The following GOLM2 variants were observed in gnomAD, a reference collection of about 807,000 sequenced individuals.
The protein encoded by GOLM2 is protein GOLM2.
In GOLM2, 26 loss-of-function variants were observed where a neutral mutation model predicts 55.9. The ratio of observed to expected loss-of-function variants is 0.47; its 90% CI spans 0.34 to 0.65. GOLM2 has a LOEUF of 0.65. Among genes scored for constraint, GOLM2 ranks in the 30% least tolerant of loss-of-function variants. GOLM2 has a pLI of 0.01. For synonymous variants in GOLM2, 165 were observed against 194.6 expected (o/e 0.85, Z 1.27); for missense variants, 486 against 531.8 (o/e 0.91, Z 0.85).
At chr15:44,291,714 T>A (rs2078721762) in intron 1 of GOLM2, among the ~76,000 whole-genome samples, 1 of 152,240 alleles carries the variant, frequency 6.6e-6, no homozygotes, top group African/African-American at 2.4e-5. Context: ...TTTGCTGGAT[T>A]TATTTTTTCT....
intron 6 of GOLM2, among the ~76,000 whole-genome samples, chr15:44,360,379 C>CA (rs1339259232): frequency 6.6e-6 from 1 of 151,772 alleles, no homozygotes; most frequent in Non-Finnish European, 1.5e-5. Context: ...AAATGGAAAA[C>CA]AAAAAAAGGC....
rs561295684 is a variant in GOLM2 at position 44,413,767 on chromosome 15, G to T, written c.*361G>T. ...ATGTGGCATAGCATAACCACAGTAA[G>T]AACAGAACAGATATTCAGCAGAAAA... On this transcript the variant is annotated 3_prime_UTR_variant, in exon 10 of 10. Transcript: ENST00000299957. The T allele has an allele frequency of 1.2e-5, 2 of 161,350 alleles. No homozygotes were observed. The highest frequency in any genetic ancestry group is 2.4e-5 in the African/African-American group (1 of 41,646). The allele number at this position is 161,350 out of a possible 1,614,324, so 10.0% of individuals were successfully genotyped here.
At chr15:44,401,247 G>A (rs769854002) in intron 8 of GOLM2, among the ~76,000 whole-genome samples, 34 of 151,868 alleles carry the variant, frequency 2.2e-4, no homozygotes, top group Non-Finnish European at 4.9e-4. Context: ...AAGTAGATGA[G>A]ACTACAGACC....
intron 8 of GOLM2, among the ~76,000 whole-genome samples, chr15:44,398,351 G>T (rs902624069): frequency 1.1e-4 from 17 of 152,296 alleles, no homozygotes; most frequent in Middle Eastern, 3.4e-3. Context: ...TGTCACCCAG[G>T]CTGGAATGCA....
intron 1 of GOLM2, among the ~76,000 whole-genome samples, chr15:44,309,119 G>T (rs571171038): frequency 6.6e-6 from 1 of 152,286 alleles, no homozygotes; most frequent in South Asian, 2.1e-4. Context: ...AATGATTATT[G>T]TCAGAAAGGT....
intron 8 of GOLM2, among the ~76,000 whole-genome samples, chr15:44,383,487 T>A (rs1267409882): frequency 6.6e-6 from 1 of 152,068 alleles, no homozygotes; most frequent in African/African-American, 2.4e-5. Flanking sequence ...TTATAAGGTA[T>A]TTAGAATATA....
At chr15:44,293,008 G>T (rs570002861) in intron 1 of GOLM2, among the ~76,000 whole-genome samples, 4 of 152,104 alleles carry the variant, frequency 2.6e-5, no homozygotes, top group South Asian at 2.1e-4. Flanking sequence ...AGAGATGAGG[G>T]TCTTATTATC....
intron 1 of GOLM2, chr15:44,308,490 C>T (rs1298541303): frequency 6.6e-6 from 1 of 152,168 alleles, no homozygotes; most frequent in Non-Finnish European, 1.5e-5. Context: ...TTCTTCCCCT[C>T]TTTCAGTTAT....
chr15:44,366,653 A>G lies in GOLM2; in HGVS notation c.803-13037A>G, dbSNP rs563980236. ...TGTCTCAAAAATAAAAATTAAAATT[A>G]AAGAGAAGTAATTACAGTGATGTGT... On this transcript the variant is annotated intron_variant, in intron 6 of 9. Transcript: ENST00000299957. Among the ~76,000 whole-genome samples the G allele has an allele frequency of 7.2e-4, 110 of 152,262 alleles. 3 individuals are homozygous for G. The South Asian group carries it at 0.023, about 31-fold the overall frequency.
intron 1 of GOLM2, among the ~76,000 whole-genome samples, chr15:44,306,288 T>C (rs1168684196): frequency 2.6e-5 from 4 of 152,200 alleles, no homozygotes; most frequent in Non-Finnish European, 4.4e-5. Flanking sequence ...CTTGCACCTT[T>C]ATGTTATGGA....
At position 44,314,804 on chromosome 15, in the gene GOLM2, C is replaced by G. The variant is rs568278146; in HGVS notation, c.328-8161C>G. Among the ~76,000 whole-genome samples, 255 of 152,240 alleles carry G rather than the reference C, an allele frequency of 1.7e-3. 1 individual carries two copies. Among genetic ancestry groups the G allele is most frequent in the African/African-American group, 5.9e-3 (247 of 41,538 alleles). The stretch of plus-strand genomic sequence containing the variant: ...GTCTATTTGAGAAAGTATTCAAAAC[C>G]TCCTGTAGGTATATGACTGAGGACA... On this transcript the variant is annotated intron_variant, in intron 1 of 9. Transcript: ENST00000299957.
At chr15:44,372,445 C>G (rs1424063465) in intron 6 of GOLM2, among the ~76,000 whole-genome samples, 1 of 152,098 alleles carries the variant, frequency 6.6e-6, no homozygotes, top group Non-Finnish European at 1.5e-5. Context: ...TTTTTTGCCT[C>G]TCAGAGTAGG....
chr15:44,341,691 A>ATTTTTT (rs752182459), intron 6 of GOLM2, among the ~76,000 whole-genome samples: 3 of 120,866 alleles, frequency 2.5e-5, no homozygotes, highest in Non-Finnish European at 3.4e-5. Flanking sequence ...ATTTTATTAG[A>ATTTTTT]TTTTTTTTTT....
At chr15:44,369,066 A>ATTTT (rs1201845849) in intron 6 of GOLM2, among the ~76,000 whole-genome samples, 5 of 60,078 alleles carry the variant, frequency 8.3e-5, no homozygotes, top group African/African-American at 3.7e-4. Flanking sequence ...AATAGGATAT[A>ATTTT]TTATATATAT....
intron 1 of GOLM2, among the ~76,000 whole-genome samples, chr15:44,310,403 G>A (rs1030334634): frequency 1.4e-5 from 2 of 147,958 alleles, no homozygotes; most frequent in Admixed American, 6.7e-5. Context: ...TTAGGAGTTC[G>A]AGACCAGCTT....
At chr15:44,303,978 A>T (rs1041422457) in intron 1 of GOLM2, among the ~76,000 whole-genome samples, 12 of 150,886 alleles carry the variant, frequency 8.0e-5, no homozygotes, top group Non-Finnish European at 3.0e-5. Context: ...GATCCGCCTG[A>T]CTCGGCCTTC....
intron 6 of GOLM2, among the ~76,000 whole-genome samples, chr15:44,368,327 C>CTTTTTT (rs1567036912): frequency 1.2e-4 from 14 of 121,472 alleles, no homozygotes; most frequent in East Asian, 2.4e-4. Context: ...TTTTTTTGTA[C>CTTTTTT]TTTTATTAGA....
At chr15:44,324,312 T>C (rs2078968597) in intron 2 of GOLM2, among the ~76,000 whole-genome samples, 1 of 152,160 alleles carries the variant, frequency 6.6e-6, no homozygotes, top group South Asian at 2.1e-4. Flanking sequence ...TATTGTACCA[T>C]ATGTGTTGGA....
chr15:44,344,599 T>A (rs1223374016), intron 6 of GOLM2, among the ~76,000 whole-genome samples: 1 of 151,868 alleles, frequency 6.6e-6, no homozygotes, highest in African/African-American at 2.4e-5. Flanking sequence ...TTTATTATTT[T>A]TTATTTTTAG....
Sources: gnomAD v4.1 joint callset for allele counts (sites outside exome capture counted in the v4.1 genomes callset) on GRCh38, gnomAD v4.1.1 for gene constraint, MANE v1.5 for transcripts, NCBI Gene and HGNC (gene_info 2026-07-23, HGNC 2026-07-21) for gene names.